The following AHCYL2 variants were observed in gnomAD, a reference collection of about 807,000 sequenced individuals.
AHCYL2 encodes the protein S-adenosylhomocysteine hydrolase-like protein 2.
In AHCYL2, 28 loss-of-function variants were observed where a neutral mutation model predicts 81.4. The observed-to-expected ratio is 0.34, with a 90% CI of 0.25 to 0.47. The LOEUF is 0.47. AHCYL2 is among the 20% of genes least tolerant of loss of function. The pLI is 1.00. For synonymous variants in AHCYL2, 272 were observed against 290.2 expected (o/e 0.94, Z 0.64); for missense variants, 551 against 785.1 (o/e 0.70, Z 3.56).
chr7:129,279,825 G>A (rs1267214883), intron 1 of AHCYL2, among the ~76,000 whole-genome samples: 1 of 152,126 alleles, frequency 6.6e-6, no homozygotes, highest in African/African-American at 2.4e-5. Flanking sequence ...AAACTGTCAC[G>A]GCACTGGTGG....
At position 129,304,017 on chromosome 7, in the gene AHCYL2, C is replaced by G. The variant is rs147204544; in HGVS notation, c.364-75621C>G. 4.7e-3 allele frequency among the ~76,000 whole-genome samples: 720 copies of G among 151,974 alleles called. 6 individuals carry two copies. Among genetic ancestry groups the G allele is most frequent in the African/African-American group, 0.017 (692 of 41,428 alleles). On this transcript the variant is annotated intron_variant, in intron 1 of 16. Transcript: ENST00000325006. ...CGCAAGACTCACTTGAACCTGGGAG[C>G]TGGAGGTTGCATTGAGCTGACACAA...
At chr7:129,236,491 G>A (rs1401796898) in intron 1 of AHCYL2, among the ~76,000 whole-genome samples, 1 of 151,950 alleles carries the variant, frequency 6.6e-6, no homozygotes, top group Non-Finnish European at 1.5e-5. Flanking sequence ...GTGAGCCAAT[G>A]TACCTGGCCC....
At chr7:129,412,908 A>T (rs992440631) in intron 11 of AHCYL2, among the ~76,000 whole-genome samples, 2 of 151,846 alleles carry the variant, frequency 1.3e-5, no homozygotes, top group African/African-American at 4.8e-5. Context: ...ATGCAGTCAC[A>T]GCTCACTGCA....
chr7:129,413,148 T>TC (rs1796674569), intron 11 of AHCYL2, among the ~76,000 whole-genome samples: 1 of 150,668 alleles, frequency 6.6e-6, no homozygotes, highest in African/African-American at 2.4e-5. Flanking sequence ...GGCCTGCTTT[T>TC]TTTTTTTTTT....
At chr7:129,335,979 G>A (rs1449924258) in intron 1 of AHCYL2, among the ~76,000 whole-genome samples, 1 of 151,992 alleles carries the variant, frequency 6.6e-6, no homozygotes, top group Non-Finnish European at 1.5e-5. Context: ...TCTCTTCATA[G>A]AGTAGATGGC....
chr7:129,273,288 T>C (rs1035075401), intron 1 of AHCYL2, among the ~76,000 whole-genome samples: 3 of 148,742 alleles, frequency 2.0e-5, no homozygotes, highest in African/African-American at 7.4e-5. Context: ...AGTAAAGATC[T>C]CAGTGATGCA....
At chr7:129,281,777 C>T (rs202136178) in intron 1 of AHCYL2, among the ~76,000 whole-genome samples, 1 of 152,102 alleles carries the variant, frequency 6.6e-6, no homozygotes, top group Non-Finnish European at 1.5e-5. Context: ...GGATTACAGG[C>T]GTGAGCCACT....
chr7:129,339,233 C>T (rs1739502276), intron 1 of AHCYL2, among the ~76,000 whole-genome samples: 1 of 152,148 alleles, frequency 6.6e-6, no homozygotes, highest in South Asian at 2.1e-4. Context: ...TGTAGAAAAA[C>T]AGACACTCAT....
intron 1 of AHCYL2, among the ~76,000 whole-genome samples, chr7:129,268,441 G>T (rs573017458): frequency 6.6e-6 from 1 of 152,042 alleles, no homozygotes; most frequent in Non-Finnish European, 1.5e-5. Flanking sequence ...TCCATCTCCC[G>T]GATTCAAGTG....
At chr7:129,239,809 C>T (rs1489901345) in intron 1 of AHCYL2, among the ~76,000 whole-genome samples, 4 of 151,982 alleles carry the variant, frequency 2.6e-5, no homozygotes, top group African/African-American at 7.2e-5. Context: ...GAGAGTTACA[C>T]ACAGACTCCC....
chr7:129,253,789 T>A (rs1339237332), intron 1 of AHCYL2, among the ~76,000 whole-genome samples: 2 of 152,300 alleles, frequency 1.3e-5, no homozygotes, highest in Admixed American at 6.5e-5. Flanking sequence ...AAAATATTCT[T>A]CTTGAATATT....
chr7:129,253,845 T>C (rs1000921051), intron 1 of AHCYL2, among the ~76,000 whole-genome samples: 4 of 152,174 alleles, frequency 2.6e-5, no homozygotes, highest in Admixed American at 2.6e-4. Context: ...GTTTAGGTTT[T>C]CATGTTTCAT....
chr7:129,278,801 G>A (rs1344833575), intron 1 of AHCYL2, among the ~76,000 whole-genome samples: 2 of 83,072 alleles, frequency 2.4e-5, no homozygotes, highest in African/African-American at 4.7e-5. Context: ...ATATCTAATT[G>A]TTGCAGTATC....
At chr7:129,235,545 G>C (rs547906274) in intron 1 of AHCYL2, among the ~76,000 whole-genome samples, 20 of 151,936 alleles carry the variant, frequency 1.3e-4, no homozygotes, top group African/African-American at 4.8e-4. Context: ...ACCTCACCCT[G>C]TGGAGGAGCT....
chr7:129,261,222 A>G (rs1196926213), intron 1 of AHCYL2, among the ~76,000 whole-genome samples: 1 of 152,180 alleles, frequency 6.6e-6, no homozygotes, highest in African/African-American at 2.4e-5. Context: ...ATAATCTTTA[A>G]TGATATCTCT....
intron 1 of AHCYL2, among the ~76,000 whole-genome samples, chr7:129,293,999 A>G (rs1796966685): frequency 6.6e-6 from 1 of 151,206 alleles, no homozygotes; most frequent in Admixed American, 6.6e-5. Flanking sequence ...TTTGTTTGGT[A>G]GTAATGGAGA....
intron 4 of AHCYL2, among the ~76,000 whole-genome samples, chr7:129,396,610 GA>G (rs1426362231): frequency 6.6e-6 from 1 of 152,108 alleles, no homozygotes; most frequent in Non-Finnish European, 1.5e-5. Context: ...TTTTAGTAGA[GA>G]TAGGGTTTCA....
intron 2 of AHCYL2, among the ~76,000 whole-genome samples, chr7:129,382,117 T>G (rs941219712): frequency 1.3e-5 from 2 of 152,200 alleles, no homozygotes; most frequent in Non-Finnish European, 2.9e-5. Context: ...GCTGGAAAAC[T>G]CTTGCACCTG....
chr7:129,305,266 C>T (rs1000507962), intron 1 of AHCYL2, among the ~76,000 whole-genome samples: 14 of 152,266 alleles, frequency 9.2e-5, no homozygotes, highest in Admixed American at 9.2e-4. Context: ...TTGAGACCAT[C>T]TTGGTCAACA....
Sources: gnomAD v4.1 joint callset for allele counts (sites outside exome capture counted in the v4.1 genomes callset) on GRCh38, gnomAD v4.1.1 for gene constraint, MANE v1.5 for transcripts, NCBI Gene and HGNC (gene_info 2026-07-23, HGNC 2026-07-21) for gene names.